KCNH8: variants seen among roughly 807,000 people sequenced by gnomAD.
KCNH8 encodes potassium voltage-gated channel subfamily H member 8, also known as voltage-gated delayed rectifier potassium channel KCNH8.
KCNH8 carries 70 observed loss-of-function variants against 103.6 expected under a neutral mutation model. The ratio of observed to expected loss-of-function variants is 0.68; its 90% CI spans 0.56 to 0.82. The LOEUF is 0.82. Among genes scored for constraint, KCNH8 ranks in the 40% least tolerant of loss-of-function variants. The probability of loss-of-function intolerance (pLI) is 0.00; values close to 1 mark genes in which losing one functional copy is unlikely to be tolerated. For missense variants in KCNH8, 1,217 were observed against 1,329.9 expected (o/e 0.92, Z 1.32); for synonymous variants, 498 against 489.4 (o/e 1.02, Z -0.23).
chr3:19,490,105 A>T (rs2068287059), intron 11 of KCNH8, among the ~76,000 whole-genome samples: 1 of 152,170 alleles, frequency 6.6e-6, no homozygotes, highest in South Asian at 2.1e-4. Flanking sequence ...TGCTCTCAGG[A>T]TCTGCATCGC....
chr3:19,532,942 C>T (rs553807769), intron 15 of KCNH8, among the ~76,000 whole-genome samples: 1 of 152,196 alleles, frequency 6.6e-6, no homozygotes, highest in Admixed American at 6.5e-5. Flanking sequence ...TCATGGCTCA[C>T]GCCTGAAATC....
chr3:19,340,753 A>G (rs2065649211), intron 3 of KCNH8, among the ~76,000 whole-genome samples: 1 of 152,166 alleles, frequency 6.6e-6, no homozygotes. Context: ...TATGCAGGGC[A>G]TAATGTCTAG....
intron 3 of KCNH8, among the ~76,000 whole-genome samples, chr3:19,335,274 G>C (rs944711899): frequency 3.3e-5 from 5 of 151,558 alleles, no homozygotes; most frequent in African/African-American, 1.2e-4. Context: ...TTACAGATCT[G>C]CTGAATTATA....
At chr3:19,223,648 A>G (rs11915915) in intron 1 of KCNH8, among the ~76,000 whole-genome samples, 16,146 of 152,002 alleles carry the variant, frequency 0.11, 2,849 homozygotes, top group African/African-American at 0.36. Context: ...GTTTCTCTCA[A>G]CCATTCATTA....
At chr3:19,438,474 A>C in intron 8 of KCNH8, 113 bp downstream of exon 8, 2 of 885,092 alleles carry the variant, frequency 2.3e-6, no homozygotes, top group Non-Finnish European at 3.4e-6. Flanking sequence ...ACACTGGAAG[A>C]TTCTAAAAGC....
chr3:19,451,690 A>G (rs2067450414), intron 10 of KCNH8, among the ~76,000 whole-genome samples: 1 of 152,164 alleles, frequency 6.6e-6, no homozygotes, highest in African/African-American at 2.4e-5. Flanking sequence ...AAACTCAGTT[A>G]TTTTTTATTC....
At chr3:19,392,318 CAAAAAAA>C (rs10662694) in intron 6 of KCNH8, among the ~76,000 whole-genome samples, 2 of 125,432 alleles carry the variant, frequency 1.6e-5, no homozygotes, top group African/African-American at 2.9e-5. Context: ...ACATCTGTGT[CAAAAAAA>C]AAAAAAAAAG....
At chr3:19,189,448 T>A (rs967194643) in intron 1 of KCNH8, among the ~76,000 whole-genome samples, 1 of 151,976 alleles carries the variant, frequency 6.6e-6, no homozygotes, top group African/African-American at 2.4e-5. Context: ...AATGGTTTCT[T>A]AAAATTTCTG....
At chr3:19,429,803 T>TGTAA (rs147519536) in intron 7 of KCNH8, among the ~76,000 whole-genome samples, 6,251 of 152,258 alleles carry the variant, frequency 0.041, 303 homozygotes, top group East Asian at 0.25. Context: ...AGCTCCCAGT[T>TGTAA]GTGAGAACAT....
chr3:19,514,998 A>G (rs2068849476), intron 13 of KCNH8, among the ~76,000 whole-genome samples: 2 of 151,764 alleles, frequency 1.3e-5, no homozygotes, highest in African/African-American at 4.8e-5. Context: ...ATTAATTTTA[A>G]TAATATATTT....
At chr3:19,520,287 A>T (rs1157841945) in intron 15 of KCNH8, among the ~76,000 whole-genome samples, 2 of 151,870 alleles carry the variant, frequency 1.3e-5, no homozygotes, top group African/African-American at 4.8e-5. Flanking sequence ...AAAAAGGGAA[A>T]GATAAAATAT....
At chr3:19,373,741 C>A (rs538235596) in intron 5 of KCNH8, among the ~76,000 whole-genome samples, 2 of 151,558 alleles carry the variant, frequency 1.3e-5, no homozygotes, top group East Asian at 1.9e-4. Flanking sequence ...CTCTTGTGGG[C>A]ATTTAGTGCT....
intron 12 of KCNH8, 113 bp from the exon 13 acceptor site, chr3:19,512,857 A>C: frequency 2.1e-6 from 2 of 943,826 alleles, no homozygotes; most frequent in East Asian, 2.4e-5. Context: ...GTTTTAATGA[A>C]AAGTAAGTCT....
At chr3:19,182,167 C>T (rs2063459650) in intron 1 of KCNH8, among the ~76,000 whole-genome samples, 2 of 152,180 alleles carry the variant, frequency 1.3e-5, no homozygotes, top group South Asian at 2.1e-4. Flanking sequence ...ATCTGCTTCG[C>T]TATCCCTTGA....
At chr3:19,289,028 CT>C (rs2064878316) in intron 3 of KCNH8, among the ~76,000 whole-genome samples, 1 of 152,198 alleles carries the variant, frequency 6.6e-6, no homozygotes, top group Non-Finnish European at 1.5e-5. Flanking sequence ...TAAATGTCTT[CT>C]TTTGAGAAGT....
intron 3 of KCNH8, among the ~76,000 whole-genome samples, chr3:19,312,986 C>G (rs1376201389): frequency 6.6e-6 from 1 of 151,832 alleles, no homozygotes; most frequent in Non-Finnish European, 1.5e-5. Flanking sequence ...CCAGGATTTT[C>G]TGAAGATACT....
At chr3:19,329,924 T>C (rs2065481976) in intron 3 of KCNH8, among the ~76,000 whole-genome samples, 1 of 151,982 alleles carries the variant, frequency 6.6e-6, no homozygotes. Flanking sequence ...TTTAGCTTTT[T>C]TTTTTTCCTT....
intron 11 of KCNH8, among the ~76,000 whole-genome samples, chr3:19,471,385 G>C (rs1329040292): frequency 6.6e-6 from 1 of 152,160 alleles, no homozygotes; most frequent in Non-Finnish European, 1.5e-5. Flanking sequence ...TGTGGAGCAA[G>C]GGTCGTCCAT....
At chr3:19,436,252 G>T (rs28368307) in intron 7 of KCNH8, among the ~76,000 whole-genome samples, 2 of 151,856 alleles carry the variant, frequency 1.3e-5, no homozygotes, top group Non-Finnish European at 2.9e-5. Flanking sequence ...ACTTTATGTT[G>T]TGTATGTTTT....
Sources: allele counts gnomAD v4.1 joint callset (sites outside exome capture counted in the v4.1 genomes callset), GRCh38; gene constraint gnomAD v4.1.1; transcripts MANE v1.5; gene names NCBI Gene and HGNC (gene_info 2026-07-23, HGNC 2026-07-21).